CD247: variants seen among roughly 807,000 people sequenced by gnomAD.
The protein encoded by CD247 is T-cell surface glycoprotein CD3 zeta chain.
In CD247, 13 loss-of-function variants were observed where a neutral mutation model predicts 30.0. That is an observed-to-expected ratio of 0.43 (90% CI 0.28 to 0.69). The LOEUF is 0.69. Ranked by LOEUF, CD247 falls within the 30% of genes least tolerant of loss-of-function variation. The pLI is 0.16. For missense variants in CD247, 193 were observed against 212.6 expected (o/e 0.91, Z 0.57); for synonymous variants, 72 against 80.0 (o/e 0.90, Z 0.53).
At chr1:167,462,102 C>T (rs1391840082) in intron 1 of CD247, among the ~76,000 whole-genome samples, 1 of 152,160 alleles carries the variant, frequency 6.6e-6, no homozygotes, top group Non-Finnish European at 1.5e-5. Flanking sequence ...TGGGACTTGG[C>T]CACTGTCACA....
At chr1:167,508,759 C>T (rs1655255299) in intron 1 of CD247, among the ~76,000 whole-genome samples, 1 of 152,190 alleles carries the variant, frequency 6.6e-6, no homozygotes, top group South Asian at 2.1e-4. Context: ...CTACTAAACT[C>T]AGCATGGAAA....
chr1:167,489,668 A>C (rs1367160080), intron 1 of CD247, among the ~76,000 whole-genome samples: 1 of 152,168 alleles, frequency 6.6e-6, no homozygotes, highest in Non-Finnish European at 1.5e-5. Flanking sequence ...TGGCTCTCAG[A>C]AAGGAGGCTG....
At chr1:167,431,831 T>C in intron 7 of CD247, 85 bp from the exon 8 acceptor site, 1 of 1,152,630 alleles carries the variant, frequency 8.7e-7, no homozygotes, top group Non-Finnish European at 1.3e-6. Flanking sequence ...CAGGTGTCTC[T>C]GCAGCACAGC....
At chr1:167,496,937 G>T (rs963782106) in intron 1 of CD247, among the ~76,000 whole-genome samples, 2 of 152,090 alleles carry the variant, frequency 1.3e-5, no homozygotes, top group Non-Finnish European at 2.9e-5. Context: ...CCCGGAGAGC[G>T]GGGACACTGA....
intron 1 of CD247, among the ~76,000 whole-genome samples, chr1:167,486,230 T>A (rs532878943): frequency 1.3e-5 from 2 of 152,300 alleles, no homozygotes; most frequent in South Asian, 4.1e-4. Flanking sequence ...CCCTCGGTTG[T>A]CAAATGAGAA....
intron 1 of CD247, among the ~76,000 whole-genome samples, chr1:167,455,503 G>A (rs888933416): frequency 2.6e-5 from 4 of 152,208 alleles, no homozygotes; most frequent in Non-Finnish European, 5.9e-5. Flanking sequence ...TGGGCTCCCA[G>A]CCCCGTGTTG....
intron 1 of CD247, among the ~76,000 whole-genome samples, chr1:167,451,594 C>T (rs1471399947): frequency 6.6e-6 from 1 of 152,226 alleles, no homozygotes; most frequent in African/African-American, 2.4e-5. Context: ...AACCCATTCA[C>T]TCTTTTGCTC....
At position 167,444,242 on chromosome 1, in the gene CD247, G is replaced by A. The variant is rs576129815; in HGVS notation, c.59-3475C>T. Among the ~76,000 whole-genome samples, 3 of 152,308 alleles carry A rather than the reference G, an allele frequency of 2.0e-5. No homozygotes were observed. The East Asian group carries it at 5.8e-4, about 29-fold the overall frequency. On this transcript the variant is annotated intron_variant, in intron 1 of 7. Coordinates refer to ENST00000362089, the MANE Select transcript of CD247 (RefSeq NM_198053.3). ...ATGGGGCTTAAGTCTTAGCTCTTGAGGCCGCACACAAGGTGTAGGAGCTTC... is the reference window on the plus strand; with the variant it reads ...ATGGGGCTTAAGTCTTAGCTCTTGAAGCCGCACACAAGGTGTAGGAGCTTC...
intron 1 of CD247, among the ~76,000 whole-genome samples, chr1:167,486,564 T>C (rs1048231366): frequency 3.3e-5 from 5 of 152,252 alleles, no homozygotes; most frequent in Non-Finnish European, 1.5e-5. Context: ...AGTTTGCGGA[T>C]AGCATGATTT....
At chr1:167,455,019 C>G (rs1221808990) in intron 1 of CD247, among the ~76,000 whole-genome samples, 1 of 152,212 alleles carries the variant, frequency 6.6e-6, no homozygotes, top group African/African-American at 2.4e-5. Flanking sequence ...GCTCCCCGAG[C>G]CGGGGCCAGG....
At chr1:167,448,992 G>A (rs1248166817) in intron 1 of CD247, among the ~76,000 whole-genome samples, 1 of 152,116 alleles carries the variant, frequency 6.6e-6, no homozygotes, top group African/African-American at 2.4e-5. Flanking sequence ...TACAAATTAT[G>A]TATTCCCATA....
chr1:167,449,225 T>C (rs1652246658), intron 1 of CD247, among the ~76,000 whole-genome samples: 1 of 141,284 alleles, frequency 7.1e-6, no homozygotes, highest in African/African-American at 2.6e-5. Flanking sequence ...TGATCTTGGC[T>C]GACTGCAACC....
chr1:167,465,964 G>A (rs1311640503), intron 1 of CD247, among the ~76,000 whole-genome samples: 1 of 152,208 alleles, frequency 6.6e-6, no homozygotes, highest in Admixed American at 6.5e-5. Context: ...ACTCCTGACA[G>A]CAATTGCCAG....
At chr1:167,433,904 C>T (rs1651399625) in intron 6 of CD247, 116 bp downstream of exon 6, 1 of 973,362 alleles carries the variant, frequency 1.0e-6, no homozygotes, top group Admixed American at 1.7e-5. Context: ...CTCTGATGGC[C>T]ACCACATGGG....
chr1:167,468,262 A>C (rs1653353315), intron 1 of CD247, among the ~76,000 whole-genome samples: 2 of 152,214 alleles, frequency 1.3e-5, no homozygotes, highest in Non-Finnish European at 2.9e-5. Context: ...AAAGGAAAGA[A>C]AAAAGATACA....
At chr1:167,510,769 T>C (rs1655353763) in intron 1 of CD247, among the ~76,000 whole-genome samples, 1 of 152,142 alleles carries the variant, frequency 6.6e-6, no homozygotes, top group Non-Finnish European at 1.5e-5. Context: ...GGTAGGGGTT[T>C]GTTAATCTTA....
At chr1:167,470,504 TAA>T (rs55679205) in intron 1 of CD247, among the ~76,000 whole-genome samples, 75,655 of 122,892 alleles carry the variant, frequency 0.62, 22,412 homozygotes, top group Non-Finnish European at 0.7. Flanking sequence ...ATGTTAATTG[TAA>T]AAAAAAAAAA....
chr1:167,440,787 TG>T lies in CD247; in HGVS notation c.59-21del. 6.4e-7 allele frequency: 1 copy of T among 1,569,710 alleles called. No individual in the cohort carries two copies. Among genetic ancestry groups the T allele is most frequent in the East Asian group, 2.2e-5 (1 of 44,694 alleles). On this transcript the variant is annotated intron_variant, in intron 1 of 7. Transcript: ENST00000362089. ...GTGCCTCTGTGCCAAGAGATAAAGCTGGTCAGCCAGGCCCAAGGTGACGAGA... is the reference window on the plus strand; with the variant it reads ...GTGCCTCTGTGCCAAGAGATAAAGCTGTCAGCCAGGCCCAAGGTGACGAGA...
At chr1:167,440,496 C>A (rs1197163741) in intron 2 of CD247, 168 bp downstream of exon 2, 6 of 667,068 alleles carry the variant, frequency 9.0e-6, no homozygotes, top group African/African-American at 3.5e-5. Flanking sequence ...ACACTGCCAC[C>A]TCCTCCTCAG....
Sources: gnomAD v4.1 joint callset for allele counts (sites outside exome capture counted in the v4.1 genomes callset) on GRCh38, gnomAD v4.1.1 for gene constraint, MANE v1.5 for transcripts, NCBI Gene and HGNC (gene_info 2026-07-23, HGNC 2026-07-21) for gene names.